The following RSF1 variants were observed in gnomAD, a reference collection of about 807,000 sequenced individuals.
The protein encoded by RSF1 is HBV pX-associated protein 8.
RSF1 carries 13 observed loss-of-function variants against 145.2 expected under a neutral mutation model. That is an observed-to-expected ratio of 0.09 (90% CI 0.06 to 0.14). RSF1 has a LOEUF of 0.14. Among genes scored for constraint, RSF1 ranks in the 10% least tolerant of loss-of-function variants. The probability of loss-of-function intolerance (pLI) is 1.00; values close to 1 mark genes in which losing one functional copy is unlikely to be tolerated. For missense variants in RSF1, 1,517 were observed against 1,718.2 expected (o/e 0.88, Z 2.07); for synonymous variants, 577 against 592.6 (o/e 0.97, Z 0.38).
rs757408319 is a variant in RSF1, at chr11:77,701,992, A to C, written c.1237T>G (p.Phe413Val). 1 of 1,613,060 alleles carries C rather than the reference A, an allele frequency of 6.2e-7. No homozygotes were observed. Among genetic ancestry groups the C allele is most frequent in the Non-Finnish European group, 8.5e-7 (1 of 1,179,732 alleles). Residue 413 changes from phenylalanine to valine, a missense_variant, in exon 6 of 16, where the codon TTT becomes GTT. Physicochemically the swap from Phe to Val is conservative, Grantham distance 50. Transcript: ENST00000308488. ...TCTTGTTTTATTTCATCTTTCAAAA[A>C]CTCTTTTGTTGGAGTAACTGATTTA... Reference protein sequence around the residue: ...LCKSVTPTKEFLKDEIKQEEE... With the variant: ...LCKSVTPTKEVLKDEIKQEEE...
chr11:77,672,846 C>T (rs1422871232), intron 14 of RSF1, among the ~76,000 whole-genome samples: 1 of 152,138 alleles, frequency 6.6e-6, no homozygotes, highest in Non-Finnish European at 1.5e-5. Flanking sequence ...CCACATCTGG[C>T]TAATTTTTGT....
chr11:77,697,095 A>T (rs561108753), intron 7 of RSF1, among the ~76,000 whole-genome samples: 87 of 152,276 alleles, frequency 5.7e-4, no homozygotes, highest in African/African-American at 1.9e-3. Flanking sequence ...CAATAAAGAA[A>T]TCAAAATACA....
In RSF1 at chr11:77,701,820, T is replaced by C; in HGVS notation, c.1409A>G (p.Glu470Gly). The C allele has an allele frequency of 6.2e-7, 1 of 1,614,116 alleles. No homozygotes were observed. The highest frequency in any genetic ancestry group is 8.5e-7 in the Non-Finnish European group (1 of 1,179,988). The change falls in exon 6 of 16, where the codon GAG (glutamate) becomes GGG (glycine). Residue 470 changes from glutamate (E) to glycine (G), a missense_variant. Physicochemically the swap from Glu to Gly is moderately conservative, Grantham distance 98. Around this residue, in one of 12 missense-constraint regions of RSF1, gnomAD observed 579 missense variants for 553.5 expected, o/e 1.05. Coordinates refer to ENST00000308488, the MANE Select transcript of RSF1 (RefSeq NM_016578.4). The stretch of plus-strand genomic sequence containing the variant: ...TCTGTCCTTAGAGGGGCTATAGCTC[T>C]CTTCCTTTGTCTCATAAAACTTTGT... ...IETKFYETKE[E>G]SYSPSKDRNI...
At chr11:77,858,302 C>CTTTTTTTTTTTTTTTT in the RSF1 span, among the ~76,000 whole-genome samples, 13 of 69,354 alleles carry the variant, frequency 1.9e-4, 2 homozygotes, top group South Asian at 5.6e-4. Context: ...TTAAGCAATT[C>CTTTTTTTTTTTTTTTT]TTTTTTTTTT....
intron 1 of RSF1, among the ~76,000 whole-genome samples, chr11:77,801,966 G>C (rs1051106572): frequency 6.6e-6 from 1 of 151,712 alleles, no homozygotes; most frequent in Non-Finnish European, 1.5e-5. Flanking sequence ...AGGAATGCAA[G>C]AACAGCCTGG....
intron 1 of RSF1, among the ~76,000 whole-genome samples, chr11:77,773,365 T>C (rs1471776299): frequency 6.6e-6 from 1 of 152,102 alleles, no homozygotes; most frequent in African/African-American, 2.4e-5. Context: ...CAATCTATTC[T>C]TACAGTCAAA....
At chr11:77,807,582 T>C (rs192663101) in intron 1 of RSF1, among the ~76,000 whole-genome samples, 2 of 152,346 alleles carry the variant, frequency 1.3e-5, no homozygotes, top group South Asian at 2.1e-4. Context: ...GAAGTGGCTA[T>C]GCTAATACCA....
intron 1 of RSF1, among the ~76,000 whole-genome samples, chr11:77,766,021 T>TACA: frequency 6.6e-6 from 1 of 152,092 alleles, no homozygotes; most frequent in Non-Finnish European, 1.5e-5. Context: ...ATGCTGGGAT[T>TACA]ACAGGCATGA....
chr11:77,735,130 A>T, intron 4 of RSF1: 1 of 724,576 alleles, frequency 1.4e-6, no homozygotes, highest in East Asian at 2.7e-5. Flanking sequence ...GAGGTGAGGG[A>T]GGGCTGGCTA....
chr11:77,696,976 A>T (rs1960292212), intron 7 of RSF1, among the ~76,000 whole-genome samples: 1 of 152,216 alleles, frequency 6.6e-6, no homozygotes, highest in Non-Finnish European at 1.5e-5. Context: ...TAAGTAAACC[A>T]GAATTAACTT....
chr11:77,857,519 T>C, the RSF1 span, among the ~76,000 whole-genome samples: 1 of 152,184 alleles, frequency 6.6e-6, no homozygotes, highest in Non-Finnish European at 1.5e-5. Flanking sequence ...TGAGGCTAGA[T>C]TGATATTTAA....
upstream of RSF1, among the ~76,000 whole-genome samples, chr11:77,823,324 GT>G (rs1949018331): frequency 2.6e-5 from 4 of 151,004 alleles, no homozygotes; most frequent in African/African-American, 9.7e-5. Flanking sequence ...GGAAAATATT[GT>G]TTTTAAGCAA....
chr11:77,786,484 T>A (rs564021506), intron 1 of RSF1, among the ~76,000 whole-genome samples: 8 of 152,314 alleles, frequency 5.3e-5, no homozygotes, highest in African/African-American at 1.9e-4. Context: ...AAGGAACACA[T>A]ATATTTCCTA....
At chr11:77,668,388 T>C (rs2135806258) in intron 15 of RSF1, among the ~76,000 whole-genome samples, 1 of 152,326 alleles carries the variant, frequency 6.6e-6, no homozygotes, top group East Asian at 1.9e-4. Context: ...TCCTTCCCAC[T>C]AGTACACAAA....
At chr11:77,773,468 G>A (rs1948309131) in intron 1 of RSF1, among the ~76,000 whole-genome samples, 1 of 151,902 alleles carries the variant, frequency 6.6e-6, no homozygotes, top group East Asian at 1.9e-4. Flanking sequence ...CTCAATGGGG[G>A]CAAACACTCG....
At chr11:77,678,270 G>A in intron 11 of RSF1, 117 bp from the exon 12 acceptor site, 2 of 511,462 alleles carry the variant, frequency 3.9e-6, no homozygotes, top group Non-Finnish European at 6.1e-6. Context: ...AGGCTGGAGT[G>A]CAGTGGCGCC....
In RSF1 at chr11:77,676,906, C is replaced by A; in HGVS notation, c.3227G>T (p.Arg1076Leu). Residue 1076 changes from arginine (R) to leucine (L), a missense_variant, in exon 13 of 16, where the codon CGA becomes CTA. Transcript: ENST00000308488. ...ILDEERKENK[R>L]PQRAAAARRK... The stretch of plus-strand genomic sequence containing the variant: ...TCGAGCAGCAGCTGCCCTCTGGGGT[C>A]GTTTATTTTCTTTTCTTTCTTCATC... 2 of 1,613,998 alleles carry A rather than the reference C, an allele frequency of 1.2e-6. No homozygotes were observed. Among genetic ancestry groups the A allele is most frequent in the South Asian group, 2.2e-5 (2 of 91,064 alleles).
intron 10 of RSF1, among the ~76,000 whole-genome samples, chr11:77,684,647 T>A (rs1390926621): frequency 6.6e-6 from 1 of 152,188 alleles, no homozygotes; most frequent in Non-Finnish European, 1.5e-5. Flanking sequence ...TATGGGTGAT[T>A]TCTCGAAGGT....
At position 77,675,011 on chromosome 11, in the gene RSF1, C is replaced by A. The variant is rs767219185; in HGVS notation, c.3562+25G>T. On this transcript the variant is annotated intron_variant, in intron 14 of 15. Transcript: ENST00000308488. ...AAACAAAAAATAATTTATTGAGCTA[C>A]CATATGGTTACAGATTATTTTTACC... The A allele has an allele frequency of 5.2e-6, 8 of 1,540,436 alleles. No individual in the cohort carries two copies. The Admixed American group carries it at 1.2e-4, about 23-fold the overall frequency.
Sources: allele counts gnomAD v4.1 joint callset (sites outside exome capture counted in the v4.1 genomes callset), GRCh38; gene constraint gnomAD v4.1.1; regional missense constraint gnomAD v4.1.1; transcripts MANE v1.5; gene names NCBI Gene and HGNC (gene_info 2026-07-23, HGNC 2026-07-21).